Variants in DLG1 observed in about 807,000 individuals in gnomAD.
DLG1 encodes discs large MAGUK scaffold protein 1.
A neutral mutation model predicts 123.4 loss-of-function variants in DLG1; 42 were observed. The ratio of observed to expected loss-of-function variants is 0.34; its 90% CI spans 0.27 to 0.44. The LOEUF (loss-of-function observed/expected upper bound fraction) is 0.44, where lower values mean the gene tolerates loss of function less well. DLG1 is among the 20% of genes least tolerant of loss of function. DLG1 has a pLI of 1.00. For synonymous variants in DLG1, 317 were observed against 356.2 expected, an observed-to-expected ratio of 0.89 and a Z score of 1.24; for missense variants, 942 against 1,082.6, an observed-to-expected ratio of 0.87 and a Z score of 1.82.
intron 5 of DLG1, among the ~76,000 whole-genome samples, chr3:197,193,553 T>C (rs1207813364): frequency 6.6e-6 from 1 of 152,192 alleles, no homozygotes; most frequent in Admixed American, 6.5e-5. Context: ...AAATAAATTG[T>C]AGTATATTCA....
intron 18 of DLG1, among the ~76,000 whole-genome samples, chr3:197,071,467 C>T (rs145207492): frequency 3.0e-4 from 45 of 150,524 alleles, no homozygotes; most frequent in East Asian, 7.8e-4. Flanking sequence ...CCAAAAGCTA[C>T]GCCACAATCA....
At chr3:197,144,856 A>T (rs1019913518) in intron 6 of DLG1, among the ~76,000 whole-genome samples, 1 of 152,138 alleles carries the variant, frequency 6.6e-6, no homozygotes, top group Non-Finnish European at 1.5e-5. Context: ...TCACTCTGTT[A>T]CCCAGGCTGG....
chr3:197,134,858 G>A (rs561824458), intron 10 of DLG1, among the ~76,000 whole-genome samples: 2 of 152,206 alleles, frequency 1.3e-5, no homozygotes, highest in Non-Finnish European at 2.9e-5. Context: ...CAGGGGAGTT[G>A]GGTAACACAA....
intron 5 of DLG1, among the ~76,000 whole-genome samples, chr3:197,174,068 G>T (rs1279643782): frequency 6.6e-6 from 1 of 152,192 alleles, no homozygotes. Flanking sequence ...GGGCGACACA[G>T]TGAGACTCTG....
chr3:197,206,330 C>T (rs1728508887), intron 4 of DLG1, among the ~76,000 whole-genome samples: 1 of 152,180 alleles, frequency 6.6e-6, no homozygotes, highest in Non-Finnish European at 1.5e-5. Context: ...GACAGGATCT[C>T]ACTCTGTTAC....
intron 4 of DLG1, among the ~76,000 whole-genome samples, chr3:197,221,852 G>C (rs1470966748): frequency 2.6e-5 from 4 of 152,096 alleles, no homozygotes; most frequent in Admixed American, 2.6e-4. Context: ...ATCTGTGGGG[G>C]ACACGTTCCA....
intron 5 of DLG1, chr3:197,161,700 A>C (rs1285352689): frequency 1.3e-6 from 2 of 1,578,930 alleles, no homozygotes; most frequent in South Asian, 1.2e-5. Context: ...CAGGGATCAC[A>C]GGGACAGTGG....
chr3:197,159,434 T>C (rs1413545519), intron 5 of DLG1, among the ~76,000 whole-genome samples: 1 of 152,168 alleles, frequency 6.6e-6, no homozygotes, highest in African/African-American at 2.4e-5. Flanking sequence ...CCCATTTTAA[T>C]AGATGAAGGG....
At chr3:197,147,041 A>G (rs1414261175) in intron 6 of DLG1, among the ~76,000 whole-genome samples, 4 of 152,232 alleles carry the variant, frequency 2.6e-5, no homozygotes. Flanking sequence ...AGCATATGGA[A>G]AAGTGCTCAA....
intron 22 of DLG1, among the ~76,000 whole-genome samples, chr3:197,063,191 T>TA (rs34170630): frequency 0.44 from 64,016 of 144,472 alleles, 13,950 homozygotes; most frequent in East Asian, 0.74. Context: ...ACTTAAAGTA[T>TA]AAAAAAAAAA....
intron 7 of DLG1, 116 bp downstream of exon 7, chr3:197,142,602 G>A: frequency 1.5e-6 from 1 of 684,694 alleles, no homozygotes; most frequent in Non-Finnish European, 2.2e-6. Context: ...TTATGAACTG[G>A]GAACTTAGAA....
At chr3:197,163,173 G>A (rs144189530) in intron 5 of DLG1, among the ~76,000 whole-genome samples, 12 of 152,334 alleles carry the variant, frequency 7.9e-5, no homozygotes, top group African/African-American at 2.9e-4. Flanking sequence ...TACAAGGGAA[G>A]TGTCTAATTA....
intron 3 of DLG1, 134 bp from the exon 4 acceptor site, chr3:197,282,979 A>T: frequency 2.0e-6 from 1 of 509,404 alleles, no homozygotes; most frequent in Non-Finnish European, 3.4e-6. Flanking sequence ...TAATGTACTT[A>T]AACAGTGAAT....
chr3:197,108,961 A>G (rs1260855764), intron 13 of DLG1, among the ~76,000 whole-genome samples: 2 of 152,162 alleles, frequency 1.3e-5, no homozygotes, highest in African/African-American at 4.8e-5. Flanking sequence ...TTTTATATTA[A>G]ATAGATATTT....
At chr3:197,120,273 GAAAAAAAAAA>G (rs3050713) in intron 11 of DLG1, among the ~76,000 whole-genome samples, 1 of 127,600 alleles carries the variant, frequency 7.8e-6, no homozygotes, top group African/African-American at 2.9e-5. Context: ...TCTCGAGAAA[GAAAAAAAAAA>G]AAAAAAAAGC....
intron 23 of DLG1, among the ~76,000 whole-genome samples, chr3:197,056,775 G>C (rs1343655311): frequency 6.6e-6 from 1 of 152,152 alleles, no homozygotes; most frequent in African/African-American, 2.4e-5. Flanking sequence ...TCAAGACACA[G>C]AGCATGACTA....
At chr3:197,162,517 A>T (rs915550376) in intron 5 of DLG1, among the ~76,000 whole-genome samples, 1 of 152,206 alleles carries the variant, frequency 6.6e-6, no homozygotes, top group Non-Finnish European at 1.5e-5. Flanking sequence ...AAATTGCCAG[A>T]CTAAAAAAAG....
chr3:197,101,199 C>T (rs924052519), intron 14 of DLG1, among the ~76,000 whole-genome samples: 1 of 152,140 alleles, frequency 6.6e-6, no homozygotes, highest in Non-Finnish European at 1.5e-5. Context: ...AAATCTTAAC[C>T]GTTTAACAGT....
Position 197,290,611 on chromosome 3 carries a change from A to T in DLG1, c.151+5735T>A, listed in dbSNP as rs188100808. On this transcript the variant is annotated intron_variant, in intron 3 of 24. Transcript: ENST00000667157. ...AAACCCAAAATGAGAAAATTATATT[A>T]AAAAAAAGTAAGAGTGGAAGGAACT... Among the ~76,000 whole-genome samples, 415 of 151,986 alleles carry T rather than the reference A, an allele frequency of 2.7e-3. 4 individuals are homozygous for T. The highest frequency in any genetic ancestry group is 0.014 in the Middle Eastern group (4 of 294).
Sources: allele counts gnomAD v4.1 joint callset (sites outside exome capture counted in the v4.1 genomes callset), GRCh38; gene constraint gnomAD v4.1.1; transcripts MANE v1.5; gene names NCBI Gene and HGNC (gene_info 2026-07-23, HGNC 2026-07-21).